NMNAT3: variants seen among roughly 807,000 people sequenced by gnomAD.
NMNAT3 encodes nicotinamide/nicotinic acid mononucleotide adenylyltransferase 3.
A neutral mutation model predicts 24.8 loss-of-function variants in NMNAT3; 21 were observed. That is an observed-to-expected ratio of 0.85 (90% CI 0.60 to 1.22). The LOEUF (loss-of-function observed/expected upper bound fraction) is 1.22. Ranked by LOEUF, NMNAT3 falls within the 50% of genes most tolerant of loss-of-function variation. The pLI, the probability that NMNAT3 is intolerant of heterozygous loss-of-function variation, is 0.00. For synonymous variants in NMNAT3, 136 were observed against 155.2 expected (o/e 0.88, Z 0.92); for missense variants, 387 against 436.6 (o/e 0.89, Z 1.01).
intron 3 of NMNAT3, among the ~76,000 whole-genome samples, chr3:139,592,337 G>A (rs868267037): frequency 6.6e-4 from 101 of 152,314 alleles, no homozygotes; most frequent in African/African-American, 2.2e-3. Flanking sequence ...CCAAATCTAC[G>A]TCTGATTGGT....
Position 139,575,970 on chromosome 3 carries a change from C to T in NMNAT3, c.576-2290G>A, listed in dbSNP as rs1001700770. ...TTGTGTGTGACCGTGATTAACGTAG[C>T]CTCTCTGAGCCTCAGTTTCTTTATC... On this transcript the variant is annotated intron_variant, in intron 5 of 6. Coordinates refer to ENST00000643695, the MANE Select transcript of NMNAT3 (RefSeq NM_001320510.2). 4 of 1,288,172 alleles carry T rather than the reference C, an allele frequency of 3.1e-6. No individual in the cohort carries two copies. The Admixed American group carries it at 6.9e-5, about 22-fold the overall frequency. 79.8% of individuals were successfully genotyped at this position (1,288,172 alleles called of 1,614,324 possible).
At chr3:139,604,251 C>T (rs2054841353) in intron 3 of NMNAT3, among the ~76,000 whole-genome samples, 1 of 152,140 alleles carries the variant, frequency 6.6e-6, no homozygotes, top group Non-Finnish European at 1.5e-5. Flanking sequence ...TTAAAATCAG[C>T]ACAAAATTAA....
At chr3:139,605,758 C>T (rs761278432) in intron 3 of NMNAT3, among the ~76,000 whole-genome samples, 1 of 152,094 alleles carries the variant, frequency 6.6e-6, no homozygotes, top group South Asian at 2.1e-4. Context: ...TACCATACTA[C>T]GCATCTCTTA....
intron 3 of NMNAT3, among the ~76,000 whole-genome samples, chr3:139,592,576 T>C (rs924004938): frequency 2.5e-4 from 38 of 152,068 alleles, no homozygotes; most frequent in Admixed American, 4.6e-4. Flanking sequence ...AGAGAAAGGT[T>C]GGGTTACCCT....
chr3:139,658,710 C>G (rs961699904), intron 1 of NMNAT3, among the ~76,000 whole-genome samples: 2 of 152,190 alleles, frequency 1.3e-5, no homozygotes, highest in African/African-American at 4.8e-5. Context: ...CAGCAGCATA[C>G]TTATTTCTAT....
intron 1 of NMNAT3, among the ~76,000 whole-genome samples, chr3:139,675,743 G>C (rs527309123): frequency 4.6e-5 from 7 of 152,306 alleles, no homozygotes; most frequent in Admixed American, 1.3e-4. Context: ...AATAGTTATA[G>C]TAGTAGTATC....
chr3:139,601,704 G>A (rs2108220282), intron 3 of NMNAT3, among the ~76,000 whole-genome samples: 1 of 152,266 alleles, frequency 6.6e-6, no homozygotes, highest in Middle Eastern at 3.4e-3. Context: ...ATGGGGTTGG[G>A]GGTGGGGGAT....
At chr3:139,672,117 C>T (rs2057777252) in intron 1 of NMNAT3, among the ~76,000 whole-genome samples, 1 of 152,198 alleles carries the variant, frequency 6.6e-6, no homozygotes, top group South Asian at 2.1e-4. Context: ...TTGCTCCGTA[C>T]TCTCCTCTTT....
chr3:139,565,316 C>T (rs567262701), intron 6 of NMNAT3: 1 of 152,090 alleles, frequency 6.6e-6, no homozygotes, highest in South Asian at 2.1e-4. Context: ...TTTTAAAGTC[C>T]CTGATATATT....
chr3:139,615,417 T>TTCTATCTATCTGTCTATCTATCTA (rs1553751025), intron 3 of NMNAT3, among the ~76,000 whole-genome samples: 7 of 140,126 alleles, frequency 5.0e-5, no homozygotes, highest in African/African-American at 1.9e-4. Context: ...CACACACATT[T>TTCTATCTATCTGTCTATCTATCTA]TCTATCTATC....
At chr3:139,562,605 A>G (rs1264680765) in intron 6 of NMNAT3, among the ~76,000 whole-genome samples, 2 of 152,206 alleles carry the variant, frequency 1.3e-5, no homozygotes, top group African/African-American at 4.8e-5. Flanking sequence ...CTAAGGTGGA[A>G]CCTTTAAAGG....
chr3:139,561,121 C>T lies in NMNAT3; in HGVS notation c.930G>A (p.Lys310=), dbSNP rs758920804. 3 of 1,614,014 alleles carry T rather than the reference C, an allele frequency of 1.9e-6. No individual in the cohort carries two copies. Among genetic ancestry groups the T allele is most frequent in the African/African-American group, 2.7e-5 (2 of 74,904 alleles). ...TGATGACAGCATCGGGAATCAGGTACTTTACGCTCTGCCCTTGGCCCAAGG... is the reference window on the plus strand; with the variant it reads ...TGATGACAGCATCGGGAATCAGGTATTTTACGCTCTGCCCTTGGCCCAAGG... The change falls in exon 7 of 7, where the codon AAG becomes AAA. Residue 310 remains lysine (K), a synonymous_variant. Transcript: ENST00000643695.
intron 1 of NMNAT3, among the ~76,000 whole-genome samples, chr3:139,667,224 A>G (rs2057611279): frequency 6.6e-6 from 1 of 152,182 alleles, no homozygotes; most frequent in Non-Finnish European, 1.5e-5. Context: ...ATTCCCATCA[A>G]TGATGTAGTA....
intron 3 of NMNAT3, among the ~76,000 whole-genome samples, chr3:139,587,299 T>C (rs975082351): frequency 6.6e-6 from 1 of 152,096 alleles, no homozygotes; most frequent in African/African-American, 2.4e-5. Context: ...ATACAGGGTA[T>C]AGGGAGTACA....
chr3:139,599,429 A>G (rs2108211793), intron 3 of NMNAT3: 2 of 702,236 alleles, frequency 2.8e-6, no homozygotes, highest in East Asian at 5.4e-5. Context: ...GTGTTGGCTG[A>G]AGTGCACCCT....
At chr3:139,650,128 G>A (rs909058130) in intron 1 of NMNAT3, among the ~76,000 whole-genome samples, 1 of 152,116 alleles carries the variant, frequency 6.6e-6, no homozygotes, top group Admixed American at 6.5e-5. Flanking sequence ...CTTCTTAAGC[G>A]ATGGCTCTTA....
chr3:139,623,454 C>G (rs1227080986), intron 3 of NMNAT3, among the ~76,000 whole-genome samples: 1 of 151,912 alleles, frequency 6.6e-6, no homozygotes, highest in Non-Finnish European at 1.5e-5. Flanking sequence ...TTTAAATAAA[C>G]AGAAGAAATA....
intron 3 of NMNAT3, among the ~76,000 whole-genome samples, chr3:139,607,940 T>C (rs1454314515): frequency 6.6e-6 from 1 of 152,230 alleles, no homozygotes; most frequent in East Asian, 1.9e-4. Flanking sequence ...ACCCCATCTT[T>C]AGGAATATTT....
intron 3 of NMNAT3, among the ~76,000 whole-genome samples, chr3:139,622,327 T>C (rs2055813062): frequency 6.6e-6 from 1 of 152,182 alleles, no homozygotes. Context: ...ATTTCTCTGA[T>C]GATTAGTAAT....
Sources: gnomAD v4.1 joint callset for allele counts (sites outside exome capture counted in the v4.1 genomes callset) on GRCh38, gnomAD v4.1.1 for gene constraint, MANE v1.5 for transcripts, NCBI Gene and HGNC (gene_info 2026-07-23, HGNC 2026-07-21) for gene names.